Variants in NRXN3 observed in about 807,000 individuals in gnomAD.
The protein encoded by NRXN3 is neurexin 3.
A neutral mutation model predicts 137.6 loss-of-function variants in NRXN3; 32 were observed. The observed-to-expected ratio is 0.23, with a 90% confidence interval of 0.18 to 0.31. The LOEUF (loss-of-function observed/expected upper bound fraction) is 0.31, where lower values mean the gene tolerates loss of function less well. Among genes scored for constraint, NRXN3 ranks in the 10% least tolerant of loss-of-function variants. The pLI, the probability that NRXN3 is intolerant of heterozygous loss-of-function variation, is 1.00. For synonymous variants in NRXN3, 798 were observed against 784.5 expected (o/e 1.02, Z -0.29); for missense variants, 1,574 against 2,062.5 (o/e 0.76, Z 4.59).
intron 15 of NRXN3, among the ~76,000 whole-genome samples, chr14:79,334,751 A>G (rs950805013): frequency 6.6e-6 from 1 of 152,198 alleles, no homozygotes; most frequent in Non-Finnish European, 1.5e-5. Context: ...AGCGTGCTAC[A>G]TTATTATGAT....
In NRXN3 at chr14:79,172,341, A is replaced by AATG. The variant is rs1164914036; in HGVS notation, c.3262+184201_3262+184203dup. Among the ~76,000 whole-genome samples, 4 of 152,264 alleles carry AATG rather than the reference A, an allele frequency of 2.6e-5. No individual in the cohort carries two copies. In the East Asian group the frequency reaches 7.7e-4, roughly 29 times the overall value. ...CTTGAGGTGTCAGTAAAAGAAGATG[A>AATG]ATGTATCCCTCATGTTTATTCTGAT... On this transcript the variant is annotated intron_variant, in intron 15 of 20. Coordinates refer to ENST00000335750, the MANE Select transcript of NRXN3 (RefSeq NM_001330195.2).
intron 4 of NRXN3, among the ~76,000 whole-genome samples, chr14:78,578,074 A>C (rs1156232552): frequency 6.6e-6 from 1 of 152,176 alleles, no homozygotes; most frequent in East Asian, 1.9e-4. Context: ...ACATATATGT[A>C]ATATCTGTAT....
intron 15 of NRXN3, among the ~76,000 whole-genome samples, chr14:79,193,127 A>AG (rs1311264302): frequency 1.4e-5 from 1 of 70,180 alleles, no homozygotes; most frequent in Admixed American, 2.0e-4. Flanking sequence ...TTGTCATAGA[A>AG]GGGTTTTAAA....
chr14:79,792,498 A>G (rs990191969), intron 19 of NRXN3, among the ~76,000 whole-genome samples: 2 of 152,208 alleles, frequency 1.3e-5, no homozygotes, highest in Non-Finnish European at 2.9e-5. Flanking sequence ...CAAACGAAAC[A>G]CTTTTTCCTT....
chr14:78,187,688 CT>C (rs33958535), intron 1 of NRXN3, among the ~76,000 whole-genome samples: 11,383 of 151,848 alleles, frequency 0.075, 1,355 homozygotes, highest in African/African-American at 0.25. Flanking sequence ...TCATTTTTCT[CT>C]TTCCTTCCTA....
chr14:79,523,336 C>T (rs1161300464), intron 16 of NRXN3, among the ~76,000 whole-genome samples: 1 of 152,082 alleles, frequency 6.6e-6, no homozygotes, highest in Non-Finnish European at 1.5e-5. Flanking sequence ...CCTAAAGGAG[C>T]AAAGCTTTAA....
At chr14:78,506,612 G>T (rs1014654694) in intron 4 of NRXN3, among the ~76,000 whole-genome samples, 1 of 149,338 alleles carries the variant, frequency 6.7e-6, no homozygotes, top group Non-Finnish European at 1.5e-5. Flanking sequence ...CACCCTGACA[G>T]GTGTGAGGTA....
rs1431781865 is a variant in NRXN3, at chr14:79,245,720, A to G, written c.3263-221501A>G. ...CATTTTTGTTGCAAGCACTCCTGGC[A>G]CACATTGCATTATAGATTCCATCCA... On this transcript the variant is annotated intron_variant, in intron 15 of 20. Coordinates refer to ENST00000335750, the MANE Select transcript of NRXN3 (RefSeq NM_001330195.2). 3.9e-5 allele frequency among the ~76,000 whole-genome samples: 6 copies of G among 152,132 alleles called. No individual in the cohort carries two copies. In the East Asian group the frequency reaches 9.6e-4, roughly 24 times the overall value.
intron 15 of NRXN3, among the ~76,000 whole-genome samples, chr14:79,161,117 G>A (rs925979432): frequency 4.0e-5 from 6 of 151,846 alleles, no homozygotes; most frequent in Admixed American, 2.0e-4. Context: ...TTCATATAAT[G>A]CACAGACTTG....
intron 3 of NRXN3, among the ~76,000 whole-genome samples, chr14:78,286,002 A>G (rs565912770): frequency 2.6e-5 from 4 of 152,302 alleles, no homozygotes; most frequent in Admixed American, 2.6e-4. Flanking sequence ...ACCTGCCTCC[A>G]GCTTTGGCTC....
At chr14:79,797,263 T>C (rs1173813484) in intron 19 of NRXN3, among the ~76,000 whole-genome samples, 1 of 152,210 alleles carries the variant, frequency 6.6e-6, no homozygotes, top group African/African-American at 2.4e-5. Flanking sequence ...CATGGCTATA[T>C]GAGCAAGTAA....
chr14:78,945,450 C>G (rs2099363258), intron 10 of NRXN3, among the ~76,000 whole-genome samples: 1 of 152,072 alleles, frequency 6.6e-6, no homozygotes, highest in Non-Finnish European at 1.5e-5. Flanking sequence ...TCCTGTACGG[C>G]CTGTGGAAAA....
At chr14:79,240,123 T>A (rs1169268956) in intron 15 of NRXN3, among the ~76,000 whole-genome samples, 1 of 152,174 alleles carries the variant, frequency 6.6e-6, no homozygotes, top group Non-Finnish European at 1.5e-5. Context: ...CATTCTATAC[T>A]GTACAGATAT....
intron 19 of NRXN3, among the ~76,000 whole-genome samples, chr14:79,746,483 GACC>G (rs1172210359): frequency 6.6e-6 from 1 of 152,118 alleles, no homozygotes; most frequent in African/African-American, 2.4e-5. Flanking sequence ...CCTCATCACA[GACC>G]TGCAGAAATG....
chr14:78,967,593 A>C (rs972857932), intron 13 of NRXN3, among the ~76,000 whole-genome samples, 195 bp downstream of exon 13: 1 of 152,042 alleles, frequency 6.6e-6, no homozygotes, highest in African/African-American at 2.4e-5. Context: ...GAAATGGTTC[A>C]TTTTCTCTGA....
intron 2 of NRXN3, among the ~76,000 whole-genome samples, chr14:78,254,085 T>C (rs1596402484): frequency 6.6e-6 from 1 of 152,156 alleles, no homozygotes; most frequent in Admixed American, 6.5e-5. Context: ...TTCTCTAATA[T>C]GGTGCTAGCA....
At chr14:78,332,093 C>T (rs963078806) in intron 4 of NRXN3, among the ~76,000 whole-genome samples, 4 of 152,112 alleles carry the variant, frequency 2.6e-5, no homozygotes, top group African/African-American at 9.7e-5. Flanking sequence ...CTCTCTGAAC[C>T]TCAGTTTCCT....
chr14:79,465,375 C>T (rs187914844), intron 15 of NRXN3, among the ~76,000 whole-genome samples: 10 of 152,084 alleles, frequency 6.6e-5, no homozygotes, highest in Non-Finnish European at 1.3e-4. Flanking sequence ...AGAGGGCTTT[C>T]GAGACACCAT....
chr14:79,720,357 G>T (rs896011222), intron 19 of NRXN3, among the ~76,000 whole-genome samples: 10 of 152,048 alleles, frequency 6.6e-5, no homozygotes, highest in Admixed American at 6.6e-5. Flanking sequence ...TTCCAGGTGA[G>T]ATTTGGGCGG....
Sources: allele counts gnomAD v4.1 joint callset (sites outside exome capture counted in the v4.1 genomes callset), GRCh38; gene constraint gnomAD v4.1.1; transcripts MANE v1.5; gene names NCBI Gene and HGNC (gene_info 2026-07-23, HGNC 2026-07-21).